MMP26: variants seen among roughly 807,000 people sequenced by gnomAD.
MMP26 encodes matrix metallopeptidase 26.
In MMP26, 33 loss-of-function variants were observed where a neutral mutation model predicts 31.0. That is an observed-to-expected ratio of 1.06 (90% confidence interval 0.81 to 1.42). MMP26 has a LOEUF of 1.42. Ranked by LOEUF, MMP26 falls within the 40% of genes most tolerant of loss-of-function variation. The pLI is 0.00. For synonymous variants in MMP26, 122 were observed against 114.9 expected (o/e 1.06, Z -0.40); for missense variants, 347 against 316.1 (o/e 1.10, Z -0.74).
intron 2 of MMP26, among the ~76,000 whole-genome samples, chr11:4,861,996 C>A (rs11823192): frequency 0.013 from 1,987 of 152,134 alleles, 37 homozygotes; most frequent in African/African-American, 0.044. Context: ...CTCTTTAATC[C>A]AGCCAAATTT....
At chr11:4,952,896 T>A (rs1434813298) in intron 2 of MMP26, among the ~76,000 whole-genome samples, 2 of 124,654 alleles carry the variant, frequency 1.6e-5, no homozygotes, top group African/African-American at 5.5e-5. Flanking sequence ...GGGCTGATTA[T>A]TTTTTTTAAG....
At chr11:4,983,655 G>A (rs917921125) in intron 2 of MMP26, among the ~76,000 whole-genome samples, 6 of 152,172 alleles carry the variant, frequency 3.9e-5, no homozygotes, top group African/African-American at 1.4e-4. Flanking sequence ...AGGAGAGATA[G>A]GGGCCTGTTT....
At chr11:4,854,193 C>A (rs551748852) in intron 2 of MMP26, among the ~76,000 whole-genome samples, 2 of 152,246 alleles carry the variant, frequency 1.3e-5, no homozygotes, top group Admixed American at 6.5e-5. Flanking sequence ...ACTGAGGCAC[C>A]AGGTTCATCT....
At chr11:4,915,011 A>G in intron 2 of MMP26, 1 of 1,614,090 alleles carries the variant, frequency 6.2e-7, no homozygotes, top group Middle Eastern at 1.6e-4. Context: ...GAAGAGGATG[A>G]GCAGTGAGTC....
rs150383657 is a variant in MMP26, at chr11:4,955,055, G to A, written c.-144-33013G>A. On this transcript the variant is annotated intron_variant, in intron 2 of 7. Transcript: ENST00000380390. The stretch of plus-strand genomic sequence containing the variant: ...TCCCGGTACAGTCTTGAGGATCAGG[G>A]TGTAAGACACAGCAATGAGAATAAA... 3 of 1,454,944 alleles carry A rather than the reference G, an allele frequency of 2.1e-6. No homozygotes were observed. The highest frequency in any genetic ancestry group is 1.7e-4 in the Middle Eastern group (1 of 5,766). 90.1% of individuals were successfully genotyped at this position (1,454,944 alleles called of 1,614,324 possible). A position where few individuals can be genotyped will look rare whatever the true frequency, so the allele number is the denominator to read the frequency against.
chr11:4,790,861 A>G (rs529575195), intron 2 of MMP26, among the ~76,000 whole-genome samples: 39 of 152,288 alleles, frequency 2.6e-4, no homozygotes, highest in African/African-American at 7.9e-4. Context: ...ATAGTTACTG[A>G]CGTTTAAAAA....
At chr11:4,977,164 ATGT>A (rs1173845638) in intron 2 of MMP26, among the ~76,000 whole-genome samples, 2 of 152,026 alleles carry the variant, frequency 1.3e-5, no homozygotes, top group African/African-American at 2.4e-5. Context: ...TTTGATAATG[ATGT>A]TGTTGCACGT....
chr11:4,932,037 A>C (rs1180202302), intron 2 of MMP26, among the ~76,000 whole-genome samples: 4 of 152,070 alleles, frequency 2.6e-5, no homozygotes, highest in Admixed American at 2.6e-4. Context: ...ACGATATTTT[A>C]AGTCATATTT....
chr11:4,828,651 G>A (rs185856735), intron 2 of MMP26, among the ~76,000 whole-genome samples: 8 of 152,110 alleles, frequency 5.3e-5, no homozygotes, highest in Admixed American at 5.2e-4. Context: ...GAACACAACC[G>A]TTTAGGGTTA....
chr11:4,914,769 C>T, intron 2 of MMP26: 1 of 1,613,958 alleles, frequency 6.2e-7, no homozygotes, highest in Non-Finnish European at 8.5e-7. Context: ...TTGGTCTTCA[C>T]ACTGTAGACA....
chr11:4,860,954 A>C (rs1312022731), intron 2 of MMP26, among the ~76,000 whole-genome samples: 1 of 151,832 alleles, frequency 6.6e-6, no homozygotes, highest in Non-Finnish European at 1.5e-5. Context: ...TAATTTTTTA[A>C]AACCCCATTA....
intron 1 of MMP26, among the ~76,000 whole-genome samples, chr11:4,707,914 C>G (rs1249403273): frequency 3.9e-5 from 6 of 152,124 alleles, no homozygotes; most frequent in Non-Finnish European, 8.8e-5. Context: ...GCCTTAGTGG[C>G]CATGTCTCCT....
At chr11:4,882,390 C>T (rs1309392752) in intron 2 of MMP26, 12 of 1,613,768 alleles carry the variant, frequency 7.4e-6, no homozygotes, top group Non-Finnish European at 1.0e-5. Flanking sequence ...CTTCTTGTAG[C>T]CATAAACACT....
intron 2 of MMP26, among the ~76,000 whole-genome samples, chr11:4,861,181 T>C (rs1243738571): frequency 6.7e-6 from 1 of 150,088 alleles, no homozygotes; most frequent in Non-Finnish European, 1.5e-5. Flanking sequence ...TATATGTATT[T>C]AGAAGTATAT....
intron 2 of MMP26, among the ~76,000 whole-genome samples, chr11:4,881,022 T>C (rs1850453604): frequency 6.6e-6 from 1 of 152,136 alleles, no homozygotes; most frequent in Non-Finnish European, 1.5e-5. Flanking sequence ...GATGCTACCT[T>C]CTTCCTGGCC....
intron 2 of MMP26, chr11:4,944,670 A>C (rs1487779266): frequency 6.6e-6 from 1 of 152,184 alleles, no homozygotes; most frequent in Non-Finnish European, 1.5e-5. Context: ...TGAAAAGGCT[A>C]AAATGATTTT....
chr11:4,925,730 A>G (rs1022057770), intron 2 of MMP26, among the ~76,000 whole-genome samples: 2 of 151,790 alleles, frequency 1.3e-5, no homozygotes, highest in Non-Finnish European at 2.9e-5. Context: ...TGAAAGTAAT[A>G]GTACATAATG....
intron 2 of MMP26, among the ~76,000 whole-genome samples, chr11:4,823,525 A>T (rs1357347291): frequency 1.3e-5 from 2 of 152,096 alleles, no homozygotes; most frequent in Non-Finnish European, 2.9e-5. Context: ...GTTAGCATCA[A>T]CTTGTCTACC....
At chr11:4,706,169 T>C (rs1253801670) in intron 1 of MMP26, among the ~76,000 whole-genome samples, 1 of 152,214 alleles carries the variant, frequency 6.6e-6, no homozygotes, top group African/African-American at 2.4e-5. Flanking sequence ...ATTAAATACA[T>C]TACCACTAAT....
Sources: gnomAD v4.1 joint callset for allele counts (sites outside exome capture counted in the v4.1 genomes callset) on GRCh38, gnomAD v4.1.1 for gene constraint, MANE v1.5 for transcripts, NCBI Gene and HGNC (gene_info 2026-07-23, HGNC 2026-07-21) for gene names.